SMAP1: variants seen among roughly 807,000 people sequenced by gnomAD.
SMAP1 encodes the protein stromal membrane-associated protein 1.
A neutral mutation model predicts 58.5 loss-of-function variants in SMAP1; 24 were observed. That is an observed-to-expected ratio of 0.41 (90% CI 0.30 to 0.58). The LOEUF is 0.58. Among genes scored for constraint, SMAP1 ranks in the 20% least tolerant of loss-of-function variants. SMAP1 has a pLI of 0.29. For missense variants in SMAP1, 563 were observed against 566.3 expected (o/e 0.99, Z 0.06); for synonymous variants, 216 against 196.6 (o/e 1.10, Z -0.82).
At chr6:70,692,284 T>C (rs957903053) in intron 1 of SMAP1, among the ~76,000 whole-genome samples, 9 of 152,234 alleles carry the variant, frequency 5.9e-5, no homozygotes, top group Non-Finnish European at 1.0e-4. Context: ...AATCAGATTA[T>C]TATATTTTTT....
At chr6:70,798,130 C>T (rs993666424) in intron 5 of SMAP1, among the ~76,000 whole-genome samples, 5 of 151,968 alleles carry the variant, frequency 3.3e-5, no homozygotes, top group Non-Finnish European at 7.4e-5. Context: ...ACTGTATTTA[C>T]TCCTTTTTCT....
At chr6:70,741,602 C>T (rs953953300) in intron 2 of SMAP1, among the ~76,000 whole-genome samples, 7 of 152,122 alleles carry the variant, frequency 4.6e-5, no homozygotes, top group Non-Finnish European at 8.8e-5. Flanking sequence ...TTTCCAGGTA[C>T]ATGGTGCAAG....
At chr6:70,848,308 G>A (rs1387922482) in intron 7 of SMAP1, among the ~76,000 whole-genome samples, 2 of 152,198 alleles carry the variant, frequency 1.3e-5, no homozygotes, top group East Asian at 1.9e-4. Context: ...CAGGATAGTG[G>A]AGTGGGGACA....
intron 4 of SMAP1, among the ~76,000 whole-genome samples, chr6:70,786,301 C>G (rs1279792722): frequency 6.8e-6 from 1 of 146,018 alleles, no homozygotes; most frequent in Non-Finnish European, 1.5e-5. Context: ...TGGGACGTAT[C>G]TCAAAATAAT....
intron 1 of SMAP1, among the ~76,000 whole-genome samples, chr6:70,669,953 CTT>C (rs1201949621): frequency 2.1e-5 from 3 of 145,854 alleles, no homozygotes; most frequent in South Asian, 2.2e-4. Flanking sequence ...ACCATGTTAA[CTT>C]TTTTTTTTTT....
At chr6:70,848,962 C>T (rs1193027426) in intron 7 of SMAP1, among the ~76,000 whole-genome samples, 2 of 152,146 alleles carry the variant, frequency 1.3e-5, no homozygotes, top group Non-Finnish European at 2.9e-5. Context: ...GAATGCATAG[C>T]TTTGATAGTA....
intron 1 of SMAP1, among the ~76,000 whole-genome samples, chr6:70,729,456 A>AG (rs1306621746): frequency 0.057 from 3,196 of 55,620 alleles, 158 homozygotes; most frequent in African/African-American, 0.16. Context: ...AAAAAAAAGA[A>AG]GGTTGTGTGT....
intron 1 of SMAP1, among the ~76,000 whole-genome samples, chr6:70,729,059 A>G (rs1263393778): frequency 6.6e-6 from 1 of 151,288 alleles, no homozygotes; most frequent in Non-Finnish European, 1.5e-5. Flanking sequence ...CTCATTCTCT[A>G]CTTTTACTGC....
At position 70,734,171 on chromosome 6, in the gene SMAP1, T is replaced by C. The variant is rs531862311; in HGVS notation, c.252+1660T>C. 4.8e-3 allele frequency among the ~76,000 whole-genome samples: 729 copies of C among 151,718 alleles called. 6 individuals carry two copies. Among genetic ancestry groups the C allele is most frequent in the Non-Finnish European group, 8.2e-3 (556 of 67,926 alleles). On this transcript the variant is annotated intron_variant, in intron 2 of 10. Transcript: ENST00000370455. ...ATCTTTTTTTTTTTGAGACGGAGTC[T>C]CACTCATGCTATTGCTCAGGCTGGA...
chr6:70,790,330 C>T (rs1200667758), intron 4 of SMAP1, among the ~76,000 whole-genome samples: 2 of 151,916 alleles, frequency 1.3e-5, no homozygotes, highest in South Asian at 2.1e-4. Flanking sequence ...TTAGTAGAGA[C>T]GGTTCCCCAT....
chr6:70,830,802 T>C (rs1225795397), intron 6 of SMAP1, among the ~76,000 whole-genome samples: 1 of 152,216 alleles, frequency 6.6e-6, no homozygotes, highest in African/African-American at 2.4e-5. Context: ...CACATTAACA[T>C]TGGTGATTTA....
chr6:70,811,256 A>G lies in SMAP1; in HGVS notation c.576+12519A>G, dbSNP rs116882461. 3.2e-3 allele frequency among the ~76,000 whole-genome samples: 480 copies of G among 152,198 alleles called. 4 individuals are homozygous for G. The highest frequency in any genetic ancestry group is 5.5e-3 in the Non-Finnish European group (373 of 67,998). ...GAGTACCTACTACATGCCAAGTGCT[A>G]TTTTTGGCATTAGGGATAGAGTGGC... On this transcript the variant is annotated intron_variant, in intron 6 of 10. Transcript: ENST00000370455.
At chr6:70,732,566 A>G in intron 2 of SMAP1, 55 bp downstream of exon 2, 11 of 1,388,126 alleles carry the variant, frequency 7.9e-6, no homozygotes, top group Non-Finnish European at 9.5e-6. Context: ...ATTTAAAAAT[A>G]TTTAACCCTT....
At chr6:70,850,426 T>TA (rs1771139670) in intron 7 of SMAP1, among the ~76,000 whole-genome samples, 1 of 152,144 alleles carries the variant, frequency 6.6e-6, no homozygotes, top group African/African-American at 2.4e-5. Context: ...AATAGTTGCT[T>TA]ATATTCAGCT....
At chr6:70,858,436 G>T in intron 10 of SMAP1, 1 of 457,414 alleles carries the variant, frequency 2.2e-6, no homozygotes, top group Admixed American at 4.0e-5. Flanking sequence ...CGCTATTTTA[G>T]AGTATTCTGT....
In SMAP1 at chr6:70,859,361, C is replaced by G. The variant is rs377005332; in HGVS notation, c.1270-839C>G. ...AGAAGGGTGATGCTGTTCTCCAGCA[C>G]TCCATCAGTGCAATCTACTGGCCAA... On this transcript the variant is annotated intron_variant, in intron 10 of 10. Transcript: ENST00000370455. 6.1e-5 allele frequency: 94 copies of G among 1,549,284 alleles called. 3 individuals carry two copies. The South Asian group carries it at 1.0e-3, about 17-fold the overall frequency.
intron 1 of SMAP1, among the ~76,000 whole-genome samples, chr6:70,685,617 G>T (rs144276294): frequency 1.8e-3 from 267 of 152,298 alleles, no homozygotes; most frequent in Middle Eastern, 0.01. Context: ...ATACTTAGTG[G>T]ACATGCTTTG....
chr6:70,668,583 T>C (rs770536828), intron 1 of SMAP1: 349 of 1,535,490 alleles, frequency 2.3e-4, no homozygotes, highest in Non-Finnish European at 1.1e-4. Context: ...TACCCTCCGG[T>C]GTGACCACGT....
chr6:70,678,663 A>G (rs1209246944), intron 1 of SMAP1, among the ~76,000 whole-genome samples: 1 of 152,234 alleles, frequency 6.6e-6, no homozygotes, highest in Non-Finnish European at 1.5e-5. Context: ...GCTAAAGGCA[A>G]GGTGTTAGCA....
Sources: allele counts gnomAD v4.1 joint callset (sites outside exome capture counted in the v4.1 genomes callset), GRCh38; gene constraint gnomAD v4.1.1; transcripts MANE v1.5; gene names NCBI Gene and HGNC (gene_info 2026-07-23, HGNC 2026-07-21).